The following IGF2BP1 variants were observed in gnomAD, a reference collection of about 807,000 sequenced individuals.
The protein encoded by IGF2BP1 is insulin like growth factor 2 mRNA binding protein 1.
IGF2BP1 carries 11 observed loss-of-function variants against 74.9 expected under a neutral mutation model. The ratio of observed to expected loss-of-function variants is 0.15; its 90% CI spans 0.09 to 0.24. The LOEUF (loss-of-function observed/expected upper bound fraction) is 0.24. Ranked by LOEUF, IGF2BP1 falls within the 10% of genes least tolerant of loss-of-function variation. The pLI is 1.00. For missense variants in IGF2BP1, 440 were observed against 757.4 expected (o/e 0.58, Z 4.92); for synonymous variants, 287 against 281.8 (o/e 1.02, Z -0.18).
chr17:49,046,404 G>T (rs751570338), intron 14 of IGF2BP1, 31 bp downstream of exon 14: 25 of 1,506,060 alleles, frequency 1.7e-5, no homozygotes, highest in Non-Finnish European at 2.3e-5. Context: ...TTGAGGGAGG[G>T]CTGCAGGAGC....
rs915107206 is a variant in IGF2BP1, at chr17:49,013,222, C to T, written c.237-12396C>T. Among the ~76,000 whole-genome samples the T allele has an allele frequency of 2.1e-5, 3 of 144,370 alleles. No homozygotes were observed. The South Asian group carries it at 6.8e-4, about 33-fold the overall frequency. The allele number at this position is 144,370 out of a possible 152,430, so 94.7% of individuals were successfully genotyped here. ...CAAAAGGGCTGAAAGGTCATTCTCA[C>T]CCCCAAACAAATGTCCTACTCTGCA... On this transcript the variant is annotated intron_variant, in intron 2 of 14. Transcript: ENST00000290341.
At chr17:49,015,436 A>G (rs2041687658) in intron 2 of IGF2BP1, among the ~76,000 whole-genome samples, 1 of 151,910 alleles carries the variant, frequency 6.6e-6, no homozygotes, top group Admixed American at 6.6e-5. Context: ...CCCCCGGGGG[A>G]AGATTCCGAA....
rs772911879 is a variant in IGF2BP1, at chr17:49,049,467, A to G, written c.*23A>G. On this transcript the variant is annotated 3_prime_UTR_variant, in exon 15 of 15. Transcript: ENST00000290341. The stretch of plus-strand genomic sequence containing the variant: ...TGACCAGCCCCTCCCTGTCCCTTCG[A>G]GTCCAGGACAACAACGGGCAGAAAT... 1 of 1,600,226 alleles carries G rather than the reference A, an allele frequency of 6.2e-7. No individual in the cohort carries two copies. The highest frequency in any genetic ancestry group is 8.6e-7 in the Non-Finnish European group (1 of 1,167,838).
chr17:49,041,558 A>T (rs2042053245), intron 8 of IGF2BP1, 58 bp downstream of exon 8: 2 of 1,603,790 alleles, frequency 1.2e-6, no homozygotes, highest in South Asian at 2.2e-5. Context: ...GGCCAGGGTC[A>T]GTATTTCATC....
intron 14 of IGF2BP1, 135 bp downstream of exon 14, chr17:49,046,508 A>G: frequency 1.6e-6 from 1 of 636,562 alleles, no homozygotes; most frequent in Non-Finnish European, 2.8e-6. Context: ...CCTCTAGGCT[A>G]GGTTATTGCC....
At chr17:49,012,099 T>C (rs1403841062) in intron 2 of IGF2BP1, among the ~76,000 whole-genome samples, 1 of 151,950 alleles carries the variant, frequency 6.6e-6, no homozygotes. Flanking sequence ...AGAGAAGGGG[T>C]TTGCCATGTT....
At chr17:48,999,250 TC>T (rs1236965699) in intron 2 of IGF2BP1, 81 bp downstream of exon 2, 1 of 851,238 alleles carries the variant, frequency 1.2e-6, no homozygotes, top group East Asian at 2.5e-5. Flanking sequence ...CCATAGCGTC[TC>T]CAGTGGAAGA....
chr17:49,032,093 T>G (rs2041928584), intron 5 of IGF2BP1, 120 bp downstream of exon 5: 1 of 833,718 alleles, frequency 1.2e-6, no homozygotes, highest in African/African-American at 1.7e-5. Flanking sequence ...CATCCAGGGT[T>G]CTGATATTAG....
chr17:49,049,621 C>G lies in IGF2BP1; in HGVS notation c.*177C>G, dbSNP rs2042146180. On this transcript the variant is annotated 3_prime_UTR_variant, in exon 15 of 15. Coordinates refer to ENST00000290341, the MANE Select transcript of IGF2BP1 (RefSeq NM_006546.4). ...AGTGAGGAACCCTGATCTCTCAGCCCCAAACACCCACCCAATTGGCCCAAC... is the reference window on the plus strand; with the variant it reads ...AGTGAGGAACCCTGATCTCTCAGCCGCAAACACCCACCCAATTGGCCCAAC... The G allele has an allele frequency of 3.4e-6, 2 of 582,396 alleles. No individual in the cohort carries two copies. Among genetic ancestry groups the G allele is most frequent in the African/African-American group, 3.8e-5 (2 of 53,262 alleles). 36.1% of individuals were successfully genotyped at this position (582,396 alleles called of 1,614,324 possible).
chr17:49,049,172 C>T (rs950588042), intron 14 of IGF2BP1, among the ~76,000 whole-genome samples, 180 bp from the exon 15 acceptor site: 30 of 152,160 alleles, frequency 2.0e-4, no homozygotes, highest in Non-Finnish European at 8.8e-5. Flanking sequence ...TACTCAGGCT[C>T]CACTGGAGGC....
chr17:49,014,310 C>T (rs980287235), intron 2 of IGF2BP1, among the ~76,000 whole-genome samples: 1 of 144,282 alleles, frequency 6.9e-6, no homozygotes, highest in Non-Finnish European at 1.5e-5. Flanking sequence ...CTCTGTCTCC[C>T]CCTCAGTCTC....
intron 2 of IGF2BP1, 113 bp downstream of exon 2, chr17:48,999,282 C>A: frequency 1.5e-6 from 1 of 683,972 alleles, no homozygotes; most frequent in East Asian, 2.7e-5. Flanking sequence ...TGGTCTTTCC[C>A]ACCCCCAACT....
At chr17:49,010,493 T>C (rs1337469799) in intron 2 of IGF2BP1, among the ~76,000 whole-genome samples, 2 of 151,840 alleles carry the variant, frequency 1.3e-5, no homozygotes, top group Admixed American at 6.6e-5. Flanking sequence ...ACTTTTTGTA[T>C]TTTTAGTAGA....
chr17:49,028,721 C>T (rs80143662), intron 4 of IGF2BP1, among the ~76,000 whole-genome samples: 1,730 of 152,274 alleles, frequency 0.011, 24 homozygotes, highest in African/African-American at 0.038. Flanking sequence ...CTTTGTTGGA[C>T]AGTAGAGAAA....
intron 4 of IGF2BP1, among the ~76,000 whole-genome samples, chr17:49,031,190 C>T (rs1047224358): frequency 1.1e-4 from 16 of 152,268 alleles, no homozygotes; most frequent in Non-Finnish European, 1.5e-5. Flanking sequence ...TCGTTGCAAC[C>T]TCCGCCTCCC....
At chr17:48,996,716 G>A (rs1394474380), upstream of IGF2BP1, among the ~76,000 whole-genome samples, 2 of 152,078 alleles carry the variant, frequency 1.3e-5, no homozygotes, top group African/African-American at 4.8e-5. Context: ...CCTTTCTCCC[G>A]TGGGGATCTC....
intron 12 of IGF2BP1, among the ~76,000 whole-genome samples, chr17:49,045,362 A>G (rs1054770944): frequency 3.9e-5 from 6 of 152,190 alleles, no homozygotes; most frequent in Non-Finnish European, 7.3e-5. Flanking sequence ...TTTAATGCCA[A>G]ATTCTCATCT....
rs143101419 is a variant in IGF2BP1 at position 49,023,466 on chromosome 17, C to G, written c.237-2152C>G. ...TGTACCCACTGTAAACCTGGAGATA[C>G]TGAGGTCATATGGGTAAAGTGAGTG... On this transcript the variant is annotated intron_variant, in intron 2 of 14. Transcript: ENST00000290341. Among the ~76,000 whole-genome samples, 423 of 152,312 alleles carry G rather than the reference C, an allele frequency of 2.8e-3. 1 individual carries two copies. Among genetic ancestry groups the G allele is most frequent in the African/African-American group, 9.8e-3 (409 of 41,566 alleles).
chr17:49,000,018 C>T (rs2143909447), intron 2 of IGF2BP1, among the ~76,000 whole-genome samples: 1 of 151,168 alleles, frequency 6.6e-6, no homozygotes, highest in South Asian at 2.1e-4. Flanking sequence ...GGGGTACCTC[C>T]ATCATACTTA....
Sources: allele counts gnomAD v4.1 joint callset (sites outside exome capture counted in the v4.1 genomes callset), GRCh38; gene constraint gnomAD v4.1.1; transcripts MANE v1.5; gene names NCBI Gene and HGNC (gene_info 2026-07-23, HGNC 2026-07-21).